ANKAR: variants seen among roughly 807,000 people sequenced by gnomAD.
ANKAR encodes the protein ankyrin and armadillo repeat-containing protein.
A neutral mutation model predicts 146.2 loss-of-function variants in ANKAR; 136 were observed. The ratio of observed to expected loss-of-function variants is 0.93; its 90% CI spans 0.81 to 1.07. ANKAR has a LOEUF of 1.07. ANKAR is among the 50% of genes least tolerant of loss of function. ANKAR has a pLI of 0.00. For missense variants in ANKAR, 1,567 were observed against 1,679.9 expected (o/e 0.93, Z 1.18); for synonymous variants, 500 against 575.8 (o/e 0.87, Z 1.88).
intron 12 of ANKAR, among the ~76,000 whole-genome samples, chr2:189,721,925 C>T (rs1020922387): frequency 2.6e-5 from 4 of 152,184 alleles, no homozygotes; most frequent in Non-Finnish European, 5.9e-5. Flanking sequence ...GCAAGTGTCA[C>T]TTTCTAAGAA....
chr2:189,759,954 A>G (rs2046742678), intron 18 of ANKAR, among the ~76,000 whole-genome samples: 1 of 152,094 alleles, frequency 6.6e-6, no homozygotes, highest in Non-Finnish European at 1.5e-5. Context: ...GGGAGTGGTG[A>G]TGACTCTTAA....
In ANKAR at chr2:189,753,993, G is replaced by C. The variant is rs1280068421; in HGVS notation, c.*585-7105G>C. The C allele has an allele frequency of 1.2e-5, 20 of 1,613,630 alleles. No individual in the cohort carries two copies. In the East Asian group the frequency reaches 4.5e-4, roughly 36 times the overall value. On this transcript the variant is annotated intron_variant and NMD_transcript_variant, in intron 18 of 18. Transcript: ENST00000441800. Reference sequence around the variant, plus strand: ...GCCCGATGTGTTCTTTTCACAAGATGACATGCCATTGTGTGCTGTACTGTG... The same window carrying C: ...GCCCGATGTGTTCTTTTCACAAGATCACATGCCATTGTGTGCTGTACTGTG...
chr2:189,745,482 T>C (rs1170903156), intron 22 of ANKAR, among the ~76,000 whole-genome samples: 1 of 152,208 alleles, frequency 6.6e-6, no homozygotes, highest in Non-Finnish European at 1.5e-5. Context: ...TTTCCATTGA[T>C]ACTCTATATA....
At chr2:189,759,763 ATTTT>A (rs561866797) in intron 18 of ANKAR, among the ~76,000 whole-genome samples, 11 of 141,168 alleles carry the variant, frequency 7.8e-5, no homozygotes, top group Non-Finnish European at 9.3e-5. Context: ...TTATTTATTT[ATTTT>A]TTTAGTATTT....
intron 3 of ANKAR, among the ~76,000 whole-genome samples, chr2:189,691,250 T>C (rs1451929978): frequency 1.3e-5 from 2 of 152,166 alleles, no homozygotes; most frequent in Admixed American, 6.5e-5. Flanking sequence ...GAGACAAGGT[T>C]TCACTATGTT....
chr2:189,761,186 G>C (rs1170992154), exon 19 of ANKAR: 2 of 350,820 alleles, frequency 5.7e-6, no homozygotes, highest in African/African-American at 4.2e-5. Flanking sequence ...AAATACGGAA[G>C]CTGGGAATGA....
Position 189,746,633 on chromosome 2 carries a change from C to T in ANKAR, c.*6C>T. 1.3e-6 allele frequency: 2 copies of T among 1,567,970 alleles called. No individual in the cohort carries two copies. Among genetic ancestry groups the T allele is most frequent in the Non-Finnish European group, 1.7e-6 (2 of 1,164,794 alleles). ...CAGAGCCTGCAGAAGGCTAATAAAA[C>T]ATTTTAGAATGAAAGGATTCCTGAG... On this transcript the variant is annotated 3_prime_UTR_variant, in exon 23 of 23. Transcript: ENST00000684021.
chr2:189,702,345 ATGGGGC>A (rs1328577834), intron 7 of ANKAR, among the ~76,000 whole-genome samples: 1 of 152,188 alleles, frequency 6.6e-6, no homozygotes, highest in Non-Finnish European at 1.5e-5. Context: ...ACATGAAAGC[ATGGGGC>A]CCCACTATGA....
intron 9 of ANKAR, among the ~76,000 whole-genome samples, chr2:189,709,267 C>T (rs111583959): frequency 3.9e-5 from 6 of 152,012 alleles, no homozygotes; most frequent in Admixed American, 6.5e-5. Flanking sequence ...GAAAGAGCAA[C>T]GTTGAAAGAG....
chr2:189,720,132 C>T (rs1193584220), intron 11 of ANKAR, among the ~76,000 whole-genome samples: 1 of 152,206 alleles, frequency 6.6e-6, no homozygotes, highest in African/African-American at 2.4e-5. Flanking sequence ...ATTTGCTTCA[C>T]TTAGATAGCT....
chr2:189,679,310 T>C (rs1381481186), intron 2 of ANKAR, among the ~76,000 whole-genome samples: 3 of 152,234 alleles, frequency 2.0e-5, no homozygotes, highest in Non-Finnish European at 4.4e-5. Flanking sequence ...GTTCATTGAT[T>C]TTGTATGCTG....
At chr2:189,761,744 C>A, downstream of ANKAR, 1 of 1,371,016 alleles carries the variant, frequency 7.3e-7, no homozygotes, top group East Asian at 2.7e-5. Context: ...TACAGAATTA[C>A]AGGAAAGTTT....
Position 189,676,580 on chromosome 2 carries a change from T to C in ANKAR, c.90T>C (p.Asn30=), listed in dbSNP as rs1314191413. Residue 30 remains asparagine (N), a synonymous_variant, in exon 2 of 23, where the codon AAT becomes AAC. Transcript: ENST00000684021. ...TYLENLAIQR[N]ASAFFEKYDR... is the part of the protein sequence containing the mutation. ...TGGAAAATTTAGCAATACAAAGAAA[T>C]GCATCTGCTTTTTTTGAAAAATATG... The C allele has an allele frequency of 1.9e-6, 3 of 1,611,976 alleles. No individual in the cohort carries two copies. The highest frequency in any genetic ancestry group is 3.3e-5 in the Admixed American group (2 of 59,962).
intron 18 of ANKAR, among the ~76,000 whole-genome samples, chr2:189,755,928 T>C (rs2046005488): frequency 6.6e-6 from 1 of 152,204 alleles, no homozygotes; most frequent in African/African-American, 2.4e-5. Context: ...TAAGAGAGAT[T>C]ACTGCGAAAG....
intron 2 of ANKAR, among the ~76,000 whole-genome samples, chr2:189,678,834 AG>A (rs1305781557): frequency 5.3e-5 from 8 of 152,136 alleles, no homozygotes; most frequent in African/African-American, 1.9e-4. Flanking sequence ...ATAGCCTTGT[AG>A]TATAGTTTGA....
rs754804211 is a variant in ANKAR, at chr2:189,720,788, G to A, written c.2635+1G>A. 6.8e-7 allele frequency: 1 copy of A among 1,471,612 alleles called. No individual in the cohort carries two copies. The highest frequency in any genetic ancestry group is 2.6e-5 in the Admixed American group (1 of 38,180). 91.2% of individuals were successfully genotyped at this position (1,471,612 alleles called of 1,614,324 possible). A position where few individuals can be genotyped will look rare whatever the true frequency, so the allele number is the denominator to read the frequency against. ...ATCAGATTTCTGAGTTCTGATTCAG[G>A]TGAGCTTCTATCTCTGTATTATTTT... is the stretch of plus-strand genomic sequence containing the variant. On this transcript the variant is annotated splice_donor_variant, in intron 12 of 22. Coordinates refer to ENST00000684021, the MANE Select transcript of ANKAR (RefSeq NM_001378068.1). LOFTEE classifies it high-confidence loss of function.
At chr2:189,718,626 C>A (rs1056398633) in intron 10 of ANKAR, among the ~76,000 whole-genome samples, 1 of 151,846 alleles carries the variant, frequency 6.6e-6, no homozygotes, top group African/African-American at 2.4e-5. Context: ...TAAATAAGGT[C>A]TTTATTATAT....
chr2:189,697,772 TG>T (rs1177066918), intron 7 of ANKAR, among the ~76,000 whole-genome samples: 2 of 152,032 alleles, frequency 1.3e-5, no homozygotes, highest in Non-Finnish European at 2.9e-5. Flanking sequence ...AGGTAGATTT[TG>T]AAGTGTGGAA....
intron 3 of ANKAR, among the ~76,000 whole-genome samples, chr2:189,690,784 G>A (rs185609044): frequency 2.6e-5 from 4 of 152,266 alleles, no homozygotes; most frequent in East Asian, 1.9e-4. Flanking sequence ...CTCTTGGGTG[G>A]TGGGGAGCAT....
Sources: gnomAD v4.1 joint callset for allele counts (sites outside exome capture counted in the v4.1 genomes callset) on GRCh38, gnomAD v4.1.1 for gene constraint, MANE v1.5 for transcripts, NCBI Gene and HGNC (gene_info 2026-07-23, HGNC 2026-07-21) for gene names.